Variants in KCNS1 observed in about 807,000 individuals in gnomAD.
KCNS1 encodes the protein potassium voltage-gated channel modifier subfamily S member 1, also known as delayed-rectifier potassium channel regulatory subunit KCNS1.
Under a neutral mutation model 33.1 loss-of-function variants are expected in KCNS1, and 26 were observed. The observed-to-expected ratio is 0.79, with a 90% CI of 0.58 to 1.09. KCNS1 has a LOEUF of 1.09. Among genes scored for constraint, KCNS1 ranks in the 50% least tolerant of loss-of-function variants. The pLI is 0.00. For synonymous variants in KCNS1, 299 were observed against 338.8 expected (o/e 0.88, Z 1.29); for missense variants, 702 against 752.4 (o/e 0.93, Z 0.78).
Position 45,095,058 on chromosome 20 carries a change from G to A in KCNS1, c.1393C>T (p.Arg465Trp), listed in dbSNP as rs757099393. The A allele has an allele frequency of 1.1e-5, 18 of 1,613,844 alleles. No individual in the cohort carries two copies. Among genetic ancestry groups the A allele is most frequent in the South Asian group, 2.2e-5 (2 of 91,074 alleles). Residue 465 changes from arginine (R) to tryptophan (W), a missense_variant, in exon 4 of 4, where the codon CGG (arginine) becomes TGG (tryptophan). Arg to Trp is a moderately radical substitution (Grantham distance 101, BLOSUM62 -3). Around this residue, in one of 3 missense-constraint regions of KCNS1, gnomAD observed 253 missense variants for 327.4 expected, o/e 0.77. Transcript: ENST00000537075. ...GCTGCCTCCAGAGCCTTCTGGCGCC[G>A]GTAGAAGTGGGAGAACTTGTTGAAG... ...IIFNKFSHFY[R>W]RQKALEAAVR...
intron 1 of KCNS1, among the ~76,000 whole-genome samples, chr20:45,099,877 G>A (rs953245589): frequency 6.6e-6 from 1 of 152,140 alleles, no homozygotes; most frequent in Non-Finnish European, 1.5e-5. Context: ...CATTTGCACT[G>A]TGGGTTCAGT....
chr20:45,096,863 C>A (rs1470557723), intron 3 of KCNS1, among the ~76,000 whole-genome samples: 1 of 152,262 alleles, frequency 6.6e-6, no homozygotes, highest in African/African-American at 2.4e-5. Flanking sequence ...TCTTCAATTT[C>A]ATCTCTGGGA....
intron 1 of KCNS1, among the ~76,000 whole-genome samples, chr20:45,099,742 G>A (rs1212859449): frequency 6.6e-6 from 1 of 152,158 alleles, no homozygotes; most frequent in Non-Finnish European, 1.5e-5. Context: ...GAGGATTAAG[G>A]TAGATTATAG....
chr20:45,098,083 A>T lies in KCNS1; in HGVS notation c.689T>A (p.Val230Glu), dbSNP rs1450915000. The change falls in exon 3 of 4, where the codon GTG (valine) becomes GAG (glutamate). Residue 230 changes from valine to glutamate, a missense_variant. Val to Glu is a moderately radical substitution (Grantham distance 121). Coordinates refer to ENST00000537075, the MANE Select transcript of KCNS1 (RefSeq NM_001322799.2). This position sits in a 1 kb window ranked among gnomAD's most constrained non-coding sequence, Gnocchi z 5.2. ...KLFSCVSISV[V>E]LASIAAMCIH... ...GCACATGGCGGCGATGGAGGCGAGC[A>T]CCACGCTGATGGAGACGCAGCTGAA... The T allele has an allele frequency of 1.9e-6, 3 of 1,566,986 alleles. No individual in the cohort carries two copies. The highest frequency in any genetic ancestry group is 1.9e-5 in the Admixed American group (1 of 53,204).
At position 45,097,659 on chromosome 20, in the gene KCNS1, TACCTTGAGCGTGGCTCCCA is replaced by T. The variant is rs1981225951; in HGVS notation, c.1094_1110+2del. 7.5e-6 allele frequency: 12 copies of T among 1,600,704 alleles called. No individual in the cohort carries two copies. The East Asian group carries it at 2.7e-4, about 36-fold the overall frequency. Reference sequence around the variant, plus strand: ...AGCTCCAACCTGGCCTCAGAGGCCGTACCTTGAGCGTGGCTCCCAGCGAGCGCAGCCCGGTGGAATGGCG... The same window carrying T: ...AGCTCCAACCTGGCCTCAGAGGCCGTGCGAGCGCAGCCCGGTGGAATGGCG... On this transcript the variant is annotated splice_donor_variant and coding_sequence_variant, in exon 3 of 4. Coordinates refer to ENST00000537075, the MANE Select transcript of KCNS1 (RefSeq NM_001322799.2). LOFTEE classifies it high-confidence loss of function.
rs1366181018 is a variant in KCNS1, at chr20:45,098,672, T to A, written c.100A>T (p.Ser34Cys). 4.8e-6 allele frequency: 7 copies of A among 1,447,704 alleles called. No individual in the cohort carries two copies. Among genetic ancestry groups the A allele is most frequent in the Non-Finnish European group, 6.3e-6 (7 of 1,104,284 alleles). 89.7% of individuals were successfully genotyped at this position (1,447,704 alleles called of 1,614,324 possible). Residue 34 changes from serine to cysteine, a missense_variant, in exon 3 of 4, where the codon AGC (serine) becomes TGC (cysteine). Transcript: ENST00000537075. The surrounding 1 kb of genome is among the most constrained non-coding windows in gnomAD (Gnocchi z 5.2). ...LGGRSTETFV[S>C]EFPGPDTGIR... is the part of the protein sequence containing the mutation. ...CCGGTGTCGGGGCCCGGGAACTCGCTCACAAAGGTTTCAGTGCTCCTCCCT... is the reference window on the plus strand; with the variant it reads ...CCGGTGTCGGGGCCCGGGAACTCGCACACAAAGGTTTCAGTGCTCCTCCCT...
Position 45,092,450 on chromosome 20 carries a change from G to C in KCNS1, c.*2420C>G, listed in dbSNP as rs1164654999. 6.6e-6 allele frequency: 1 copy of C among 152,194 alleles called. No individual in the cohort carries two copies. Among genetic ancestry groups the C allele is most frequent in the Non-Finnish European group, 1.5e-5 (1 of 68,062 alleles). The allele number at this position is 152,194 out of a possible 1,614,324, so 9.4% of individuals were successfully genotyped here. ...TCCCTCTTGAGCTTTCTCCACATCA[G>C]TATTAGGGACCTGTTTGTAGGGTCA... On this transcript the variant is annotated 3_prime_UTR_variant, in exon 4 of 4. Transcript: ENST00000537075.
intron 1 of KCNS1, among the ~76,000 whole-genome samples, chr20:45,099,830 T>C (rs912027327): frequency 5.3e-5 from 8 of 152,188 alleles, no homozygotes; most frequent in Non-Finnish European, 1.0e-4. Context: ...TCTGCTGGAA[T>C]TGGGGGCTAG....
Position 45,093,377 on chromosome 20 carries a change from C to G in KCNS1, c.*1493G>C, listed in dbSNP as rs1020762383. The G allele has an allele frequency of 1.2e-4, 18 of 151,646 alleles. No individual in the cohort carries two copies. In the East Asian group the frequency reaches 3.3e-3, roughly 28 times the overall value. The allele number at this position is 151,646 out of a possible 1,614,324, so 9.4% of individuals were successfully genotyped here. A position where few individuals can be genotyped will look rare whatever the true frequency, so the allele number is the denominator to read the frequency against. On this transcript the variant is annotated 3_prime_UTR_variant, in exon 4 of 4. Coordinates refer to ENST00000537075, the MANE Select transcript of KCNS1 (RefSeq NM_001322799.2). ...AGTCTTGTTCACACCTTTTTGAGGG[C>G]CAGGTCTCTCTCTGGCTATCTTTTT... is the stretch of plus-strand genomic sequence containing the variant.
Position 45,091,600 on chromosome 20 carries a change from G to A in KCNS1, c.*3270C>T, listed in dbSNP as rs539066991. 1.3e-5 allele frequency among the ~76,000 whole-genome samples: 2 copies of A among 152,192 alleles called. No individual in the cohort carries two copies. The highest frequency in any genetic ancestry group is 2.9e-5 in the Non-Finnish European group (2 of 68,038). ...GTCCATATTTTAATCTCTGGAACCC[G>A]TAACTATTACCTTATTTGGGAAAGG... On this transcript the variant is annotated 3_prime_UTR_variant, in exon 4 of 4. Transcript: ENST00000537075.
At position 45,097,858 on chromosome 20, in the gene KCNS1, A is replaced by G; in HGVS notation, c.914T>C (p.Leu305Pro). 3 of 1,613,274 alleles carry G rather than the reference A, an allele frequency of 1.9e-6. No homozygotes were observed. The highest frequency in any genetic ancestry group is 2.5e-6 in the Non-Finnish European group (3 of 1,179,806). The change falls in exon 3 of 4, where the codon CTC becomes CCC. Residue 305 changes from leucine (L) to proline (P), a missense_variant. Transcript: ENST00000537075. The part of the protein sequence containing the change: ...PSTRNFFCHP[L>P]NLIDIVSVLP... ...CACAGACACAATGTCGATGAGGTTG[A>G]GCGGGTGGCAGAAGAAGTTGCGCGT... is the stretch of plus-strand genomic sequence containing the variant.
chr20:45,093,002 G>C lies in KCNS1; in HGVS notation c.*1868C>G, dbSNP rs962505543. The C allele has an allele frequency of 2.0e-5, 3 of 151,890 alleles. No individual in the cohort carries two copies. The highest frequency in any genetic ancestry group is 2.9e-5 in the Non-Finnish European group (2 of 67,988). 9.4% of individuals were successfully genotyped at this position (151,890 alleles called of 1,614,324 possible). ...TATAGGGATATATTTTTCCACCACT[G>C]TATCTCTTGAGACTAGTAAGCAGCC... On this transcript the variant is annotated 3_prime_UTR_variant, in exon 4 of 4. Coordinates refer to ENST00000537075, the MANE Select transcript of KCNS1 (RefSeq NM_001322799.2).
chr20:45,099,286 C>G, intron 1 of KCNS1, 47 bp from the exon 2 acceptor site: 1 of 1,017,764 alleles, frequency 9.8e-7, no homozygotes, highest in Non-Finnish European at 1.5e-6. Flanking sequence ...CATCGATTTA[C>G]TGAATCGGGA....
chr20:45,097,900 A>T lies in KCNS1; in HGVS notation c.872T>A (p.Leu291His). ...AWFSFEVSSR[L>H]LLAPSTRNFF... ...GTTGCGCGTACTGGGCGCCAGCAGG[A>T]GGCGCGACGACACCTCGAAGCTGAA... is the stretch of plus-strand genomic sequence containing the variant. Residue 291 changes from leucine to histidine, a missense_variant, in exon 3 of 4, where the codon CTC becomes CAC. By Grantham distance (99) the Leu-to-His change is moderately conservative. Around this residue, in one of 3 missense-constraint regions of KCNS1, gnomAD observed 253 missense variants for 327.4 expected, o/e 0.77. Transcript: ENST00000537075. 1 of 1,607,740 alleles carries T rather than the reference A, an allele frequency of 6.2e-7. No homozygotes were observed.
chr20:45,099,131 C>A, intron 2 of KCNS1, 30 bp downstream of exon 2: 1 of 1,550,012 alleles, frequency 6.5e-7, no homozygotes, highest in Non-Finnish European at 8.7e-7. Context: ...GAACCTGTTT[C>A]TTCTGCAAAA....
In KCNS1 at chr20:45,098,416, C is replaced by T; in HGVS notation, c.356G>A (p.Arg119His). 6.3e-7 allele frequency: 1 copy of T among 1,596,600 alleles called. No individual in the cohort carries two copies. Among genetic ancestry groups the T allele is most frequent in the Non-Finnish European group, 8.5e-7 (1 of 1,172,188 alleles). ...GFFLSLLHFY[R>H]TGHLHVLDEL... Reference sequence around the variant, plus strand: ...GTCGAGCACGTGCAGGTGGCCAGTGCGGTAGAAGTGCAGCAGGCTCAGGAA... The same window carrying T: ...GTCGAGCACGTGCAGGTGGCCAGTGTGGTAGAAGTGCAGCAGGCTCAGGAA... Residue 119 changes from arginine (R) to histidine (H), a missense_variant, in exon 3 of 4, where the codon CGC (arginine) becomes CAC (histidine). Coordinates refer to ENST00000537075, the MANE Select transcript of KCNS1 (RefSeq NM_001322799.2). This position sits in a 1 kb window ranked among gnomAD's most constrained non-coding sequence, Gnocchi z 5.2.
Position 45,092,065 on chromosome 20 carries a change from C to G in KCNS1, c.*2805G>C, listed in dbSNP as rs1475638929. On this transcript the variant is annotated 3_prime_UTR_variant, in exon 4 of 4. Coordinates refer to ENST00000537075, the MANE Select transcript of KCNS1 (RefSeq NM_001322799.2). Reference sequence around the variant, plus strand: ...AGTTTGTTGCTTATACCCTCAAACTCTAATTGTTAACAGTCATTCATCACT... The same window carrying G: ...AGTTTGTTGCTTATACCCTCAAACTGTAATTGTTAACAGTCATTCATCACT... Among the ~76,000 whole-genome samples, 1 of 152,182 alleles carries G rather than the reference C, an allele frequency of 6.6e-6. No individual in the cohort carries two copies. The highest frequency in any genetic ancestry group is 1.5e-5 in the Non-Finnish European group (1 of 68,028).
In KCNS1 at chr20:45,099,198, G is replaced by A. The variant is rs1362035768; in HGVS notation, c.39C>T (p.Asn13=). 6.4e-7 allele frequency: 1 copy of A among 1,550,640 alleles called. No homozygotes were observed. Among genetic ancestry groups the A allele is most frequent in the Non-Finnish European group, 8.7e-7 (1 of 1,146,046 alleles). Residue 13 remains asparagine (N), a synonymous_variant, in exon 2 of 4, where the codon AAC becomes AAT. Coordinates refer to ENST00000537075, the MANE Select transcript of KCNS1 (RefSeq NM_001322799.2). ...TTGGCAGCACCACTTTAGACCGGAG[G>A]TTCTCATAGTGTGTTCCCCGGACCA... ...MLLVRGTHYE[N]LRSKVVLPTP...
rs1040267126 is a variant in KCNS1, at chr20:45,091,532, A to G, written c.*3338T>C. On this transcript the variant is annotated 3_prime_UTR_variant, in exon 4 of 4. Transcript: ENST00000537075. ...CTTCCTTTGGTCGGGTGAATTTCAC[A>G]GATACCCTTCTGTAGTGGGCCAGAT... Among the ~76,000 whole-genome samples, 16 of 152,242 alleles carry G rather than the reference A, an allele frequency of 1.1e-4. No homozygotes were observed. The highest frequency in any genetic ancestry group is 1.8e-4 in the Non-Finnish European group (12 of 68,040).
Sources: gnomAD v4.1 joint callset for allele counts (sites outside exome capture counted in the v4.1 genomes callset) on GRCh38, gnomAD v4.1.1 for gene constraint, gnomAD v4.1.1 regional missense constraint, Gnocchi (gnomAD v3.1) non-coding constraint, MANE v1.5 for transcripts, NCBI Gene and HGNC (gene_info 2026-07-23, HGNC 2026-07-21) for gene names.